BICD2: variants seen among roughly 807,000 people sequenced by gnomAD.
BICD2 encodes protein bicaudal D homolog 2.
In BICD2, 25 loss-of-function variants were observed where a neutral mutation model predicts 72.9. The observed-to-expected ratio is 0.34, with a 90% CI of 0.25 to 0.48. The LOEUF (loss-of-function observed/expected upper bound fraction) is 0.48. Among genes scored for constraint, BICD2 ranks in the 20% least tolerant of loss-of-function variants. The pLI is 0.99. For synonymous variants in BICD2, 501 were observed against 516.1 expected (o/e 0.97, Z 0.40); for missense variants, 894 against 1,175.2 (o/e 0.76, Z 3.50).
At chr9:92,719,926 G>A (rs954246974) in intron 4 of BICD2, among the ~76,000 whole-genome samples, 4 of 152,168 alleles carry the variant, frequency 2.6e-5, no homozygotes, top group African/African-American at 7.2e-5. Context: ...CCTCTGCTTC[G>A]GAGGACAGGA....
rs981147479 is a variant in BICD2 at position 92,720,072 on chromosome 9, C to T, written c.1062+228G>A. Among the ~76,000 whole-genome samples the T allele has an allele frequency of 3.3e-5, 5 of 152,186 alleles. No homozygotes were observed. Among genetic ancestry groups the T allele is most frequent in the African/African-American group, 7.2e-5 (3 of 41,440 alleles). On this transcript the variant is annotated intron_variant, in intron 4 of 6. Coordinates refer to ENST00000356884, the MANE Select transcript of BICD2 (RefSeq NM_001003800.2). This position sits in a 1 kb window ranked among gnomAD's most constrained non-coding sequence, Gnocchi z 5.4. ...GTCTCATCACTTCACCCTGACACCA[C>T]GTAGTTAACAGGGGAGCAATGTGGG...
chr9:92,746,150 CG>C (rs1854008508), intron 1 of BICD2, among the ~76,000 whole-genome samples: 1 of 152,156 alleles, frequency 6.6e-6, no homozygotes, highest in South Asian at 2.1e-4. Context: ...TGGCAAAGCA[CG>C]AGTGAAAGGA....
intron 1 of BICD2, among the ~76,000 whole-genome samples, chr9:92,758,884 C>T (rs572865683): frequency 2.0e-5 from 3 of 151,576 alleles, no homozygotes; most frequent in Middle Eastern, 3.4e-3. Flanking sequence ...ATAGATCAGG[C>T]GTGGTAGCTC....
At chr9:92,749,283 C>T (rs1252444499) in intron 1 of BICD2, among the ~76,000 whole-genome samples, 3 of 152,170 alleles carry the variant, frequency 2.0e-5, no homozygotes, top group Non-Finnish European at 2.9e-5. Context: ...CCAGCCCAGG[C>T]CCAAGCCCCT....
chr9:92,754,825 A>C (rs1338164002), intron 1 of BICD2, among the ~76,000 whole-genome samples: 1 of 152,226 alleles, frequency 6.6e-6, no homozygotes, highest in Non-Finnish European at 1.5e-5. Context: ...TAATCCTGTC[A>C]GCTGAGAAGG....
rs146923721 is a variant in BICD2 at position 92,744,035 on chromosome 9, C to T, written c.241-14799G>A. Among the ~76,000 whole-genome samples, 759 of 152,312 alleles carry T rather than the reference C, an allele frequency of 5.0e-3. 4 individuals are homozygous for T. The highest frequency in any genetic ancestry group is 8.1e-3 in the Non-Finnish European group (548 of 68,024). ...CAGGAGCTCGCCACACACTGCTGTG[C>T]TCCTCTAGAAGAAAGCCTGCCCTAT... On this transcript the variant is annotated intron_variant, in intron 1 of 6. Transcript: ENST00000356884.
At chr9:92,753,882 A>G (rs897359451) in intron 1 of BICD2, among the ~76,000 whole-genome samples, 1 of 151,690 alleles carries the variant, frequency 6.6e-6, no homozygotes, top group African/African-American at 2.4e-5. Context: ...AAGACACATA[A>G]GTCTGTAATT....
chr9:92,761,095 G>C (rs537540255), intron 1 of BICD2, among the ~76,000 whole-genome samples: 5 of 152,236 alleles, frequency 3.3e-5, no homozygotes, highest in African/African-American at 1.2e-4. Flanking sequence ...GGGAATTTTA[G>C]AGACACCCAA....
chr9:92,733,802 C>T (rs1321307689), intron 1 of BICD2, among the ~76,000 whole-genome samples: 1 of 151,926 alleles, frequency 6.6e-6, no homozygotes, highest in East Asian at 2.0e-4. Flanking sequence ...CCCGTCTCTA[C>T]TAAAAATACA....
chr9:92,753,185 T>C (rs1448325275), intron 1 of BICD2, among the ~76,000 whole-genome samples: 1 of 152,200 alleles, frequency 6.6e-6, no homozygotes, highest in Non-Finnish European at 1.5e-5. Flanking sequence ...TCTTGAAAAC[T>C]GTCAAGGTCA....
At chr9:92,735,483 T>G (rs1853764634) in intron 1 of BICD2, among the ~76,000 whole-genome samples, 1 of 151,466 alleles carries the variant, frequency 6.6e-6, no homozygotes. Context: ...AGCAATGACA[T>G]GGGGGCAGGA....
chr9:92,740,998 T>G (rs958670111), intron 1 of BICD2, among the ~76,000 whole-genome samples: 9 of 152,220 alleles, frequency 5.9e-5, no homozygotes, highest in African/African-American at 2.2e-4. Context: ...AAAGTGTCCC[T>G]GTCCACAACC....
chr9:92,751,948 G>A (rs1854159241), intron 1 of BICD2, among the ~76,000 whole-genome samples: 1 of 151,898 alleles, frequency 6.6e-6, no homozygotes, highest in African/African-American at 2.4e-5. Flanking sequence ...GGGATTACAG[G>A]CGCCCACCAC....
intron 1 of BICD2, among the ~76,000 whole-genome samples, chr9:92,740,056 G>A (rs141302600): frequency 6.6e-4 from 100 of 152,244 alleles, no homozygotes; most frequent in African/African-American, 2.4e-3. Flanking sequence ...TCACTCATAG[G>A]TTAATCAAAC....
At chr9:92,740,105 A>T (rs1477152583) in intron 1 of BICD2, among the ~76,000 whole-genome samples, 2 of 152,222 alleles carry the variant, frequency 1.3e-5, no homozygotes, top group Non-Finnish European at 2.9e-5. Context: ...AATACATCAA[A>T]GTGTCAACCA....
intron 2 of BICD2, among the ~76,000 whole-genome samples, chr9:92,725,792 C>A (rs569265566): frequency 2.6e-5 from 4 of 152,386 alleles, no homozygotes; most frequent in African/African-American, 9.6e-5. Context: ...ACAACCTCAA[C>A]ACCAGGAAAC....
At chr9:92,736,811 C>T (rs1853797242) in intron 1 of BICD2, among the ~76,000 whole-genome samples, 2 of 152,090 alleles carry the variant, frequency 1.3e-5, no homozygotes, top group African/African-American at 4.8e-5. Flanking sequence ...GAACATGTTC[C>T]CCCTTTACAC....
At chr9:92,719,667 T>A in intron 4 of BICD2, 85 bp from the exon 5 acceptor site, 1 of 1,394,394 alleles carries the variant, frequency 7.2e-7, no homozygotes, top group Non-Finnish European at 9.5e-7. Context: ...CCTAGTGACA[T>A]CCCACCCCAT....
intron 1 of BICD2, among the ~76,000 whole-genome samples, chr9:92,730,527 T>C (rs1421324007): frequency 6.6e-6 from 1 of 152,202 alleles, no homozygotes; most frequent in African/African-American, 2.4e-5. Context: ...TAGACTCTCA[T>C]GGGACCAACA....
Sources: allele counts gnomAD v4.1 joint callset (sites outside exome capture counted in the v4.1 genomes callset), GRCh38; gene constraint gnomAD v4.1.1; non-coding constraint Gnocchi (gnomAD v3.1); transcripts MANE v1.5; gene names NCBI Gene and HGNC (gene_info 2026-07-23, HGNC 2026-07-21).